STK39: variants seen among roughly 807,000 people sequenced by gnomAD.
STK39 encodes STE20/SPS1-related proline-alanine-rich protein kinase.
STK39 carries 20 observed loss-of-function variants against 77.8 expected under a neutral mutation model. The ratio of observed to expected loss-of-function variants is 0.26; its 90% confidence interval spans 0.18 to 0.37. STK39 has a LOEUF of 0.37. STK39 is among the 10% of genes least tolerant of loss of function. STK39 has a pLI of 1.00. For missense variants in STK39, 479 were observed against 656.5 expected (o/e 0.73, Z 2.95); for synonymous variants, 246 against 234.1 (o/e 1.05, Z -0.47).
intron 16 of STK39, among the ~76,000 whole-genome samples, chr2:167,974,345 A>G (rs1376569127): frequency 1.3e-5 from 2 of 152,124 alleles, no homozygotes; most frequent in African/African-American, 4.8e-5. Flanking sequence ...GCCTTTCCAA[A>G]ATCAAATTTG....
At chr2:168,035,101 TG>T (rs1684918547) in intron 14 of STK39, among the ~76,000 whole-genome samples, 1 of 152,226 alleles carries the variant, frequency 6.6e-6, no homozygotes, top group Admixed American at 6.5e-5. Flanking sequence ...GAGGTTGGCC[TG>T]GGAACCTCCT....
chr2:167,977,855 C>T (rs911598839), intron 16 of STK39, among the ~76,000 whole-genome samples: 9 of 152,098 alleles, frequency 5.9e-5, no homozygotes, highest in Non-Finnish European at 2.9e-5. Context: ...ACAGAGTTGG[C>T]TGTGTGGGAG....
rs1690941035 is a variant in STK39 at position 168,247,156 on chromosome 2, G to A, written c.208+72C>T. On this transcript the variant is annotated intron_variant, in intron 1 of 17. Transcript: ENST00000355999. ...CAGGGCGTGCATGCAGGCTAGCCCA[G>A]CATCCCGCGCCCCCTCCCGCCCGGC... 8.7e-6 allele frequency: 9 copies of A among 1,029,140 alleles called. No individual in the cohort carries two copies. In the South Asian group the frequency reaches 2.2e-4, roughly 25 times the overall value. The allele number at this position is 1,029,140 out of a possible 1,614,324, so 63.8% of individuals were successfully genotyped here. A position where few individuals can be genotyped will look rare whatever the true frequency, so the allele number is the denominator to read the frequency against.
At chr2:168,206,007 T>G (rs1221247615) in intron 1 of STK39, among the ~76,000 whole-genome samples, 3 of 152,094 alleles carry the variant, frequency 2.0e-5, no homozygotes, top group Non-Finnish European at 2.9e-5. Flanking sequence ...AGCAATCAGT[T>G]CCCTTTAAAC....
chr2:168,153,532 C>T (rs1400472561), intron 5 of STK39, among the ~76,000 whole-genome samples: 1 of 151,850 alleles, frequency 6.6e-6, no homozygotes, highest in Non-Finnish European at 1.5e-5. Context: ...CAAGTTTATG[C>T]TGCTGCTGCT....
intron 14 of STK39, among the ~76,000 whole-genome samples, chr2:168,038,789 C>T (rs1329352244): frequency 6.6e-6 from 1 of 152,082 alleles, no homozygotes; most frequent in Non-Finnish European, 1.5e-5. Flanking sequence ...CTAAGAAACA[C>T]ATGAGAAAGG....
At position 168,167,276 on chromosome 2, in the gene STK39, TAAC is replaced by T. The variant is rs777651755; in HGVS notation, c.430+20_430+22del. 56 of 1,594,346 alleles carry T rather than the reference TAAC, an allele frequency of 3.5e-5. No individual in the cohort carries two copies. In the Middle Eastern group the frequency reaches 5.0e-4, roughly 14 times the overall value. Reference sequence around the variant, plus strand: ...AAAGGAGAGAAAACAAGCAAATAAATAACAACAACAAAATCCACTTACCTCCAC... The same window carrying T: ...AAAGGAGAGAAAACAAGCAAATAAATAACAACAAAATCCACTTACCTCCAC... On this transcript the variant is annotated intron_variant, in intron 3 of 17. Transcript: ENST00000355999.
At chr2:168,032,872 A>C (rs1684863309) in intron 14 of STK39, among the ~76,000 whole-genome samples, 2 of 152,266 alleles carry the variant, frequency 1.3e-5, no homozygotes, top group Non-Finnish European at 1.5e-5. Flanking sequence ...ATAACCATTG[A>C]TTCTCTGTCA....
chr2:168,242,576 T>TATATATAAAAAA (rs1690794770), intron 1 of STK39, among the ~76,000 whole-genome samples: 1 of 76,614 alleles, frequency 1.3e-5, no homozygotes, highest in Non-Finnish European at 2.5e-5. Context: ...TATATATATA[T>TATATATAAAAAA]ATATATATAT....
At chr2:168,071,558 A>T (rs550328725) in intron 12 of STK39, among the ~76,000 whole-genome samples, 1 of 152,324 alleles carries the variant, frequency 6.6e-6, no homozygotes, top group South Asian at 2.1e-4. Context: ...GTATATACTG[A>T]TTGGTACAGC....
chr2:168,228,543 C>T (rs1690365577), intron 1 of STK39, among the ~76,000 whole-genome samples: 1 of 152,150 alleles, frequency 6.6e-6, no homozygotes, highest in East Asian at 1.9e-4. Flanking sequence ...GTAATCCCAG[C>T]ACTTTGGGAG....
At chr2:167,979,538 AGCCT>A (rs1683363244) in intron 16 of STK39, among the ~76,000 whole-genome samples, 1 of 152,228 alleles carries the variant, frequency 6.6e-6, no homozygotes, top group Admixed American at 6.5e-5. Context: ...ATTAGGTAGA[AGCCT>A]CTTTCTAAAA....
intron 12 of STK39, among the ~76,000 whole-genome samples, chr2:168,070,654 T>C (rs1305864769): frequency 6.9e-6 from 1 of 145,222 alleles, no homozygotes; most frequent in Admixed American, 7.0e-5. Flanking sequence ...GTCCAAGTGT[T>C]CTCATTGTTC....
At chr2:168,070,717 T>A (rs568042107) in intron 12 of STK39, among the ~76,000 whole-genome samples, 1 of 151,932 alleles carries the variant, frequency 6.6e-6, no homozygotes, top group Non-Finnish European at 1.5e-5. Context: ...GTCCTTGCGA[T>A]AGTTTGCTCA....
chr2:168,129,452 A>G (rs1419184811), intron 10 of STK39, 89 bp downstream of exon 10: 1 of 1,409,218 alleles, frequency 7.1e-7, no homozygotes, highest in East Asian at 2.3e-5. Flanking sequence ...TATATCCTGC[A>G]TATGTGGAAA....
intron 16 of STK39, among the ~76,000 whole-genome samples, chr2:167,998,060 C>A (rs1334076778): frequency 6.6e-6 from 1 of 152,086 alleles, no homozygotes; most frequent in African/African-American, 2.4e-5. Context: ...AAAGCTCTTT[C>A]CCTTAAAAGA....
intron 16 of STK39, among the ~76,000 whole-genome samples, chr2:167,969,823 G>T (rs1025920523): frequency 1.6e-4 from 25 of 152,158 alleles, no homozygotes; most frequent in Non-Finnish European, 3.7e-4. Flanking sequence ...CATGTAGGCA[G>T]ACCATGTTAC....
intron 12 of STK39, among the ~76,000 whole-genome samples, chr2:168,070,467 TTAAGTTC>T (rs918172738): frequency 6.6e-6 from 1 of 152,046 alleles, no homozygotes; most frequent in African/African-American, 2.4e-5. Context: ...TAATTATACT[TTAAGTTC>T]TAGGGTACAT....
chr2:168,230,388 G>C (rs949558271), intron 1 of STK39, among the ~76,000 whole-genome samples: 1 of 152,084 alleles, frequency 6.6e-6, no homozygotes. Context: ...CAAAGTACAG[G>C]CAAGTTTCTT....
Sources: allele counts gnomAD v4.1 joint callset (sites outside exome capture counted in the v4.1 genomes callset), GRCh38; gene constraint gnomAD v4.1.1; transcripts MANE v1.5; gene names NCBI Gene and HGNC (gene_info 2026-07-23, HGNC 2026-07-21).